Variants in ZFHX3 observed in about 807,000 individuals in gnomAD.
ZFHX3 encodes zinc finger homeobox 3.
A neutral mutation model predicts 279.1 loss-of-function variants in ZFHX3; 42 were observed. That is an observed-to-expected ratio of 0.15 (90% confidence interval 0.12 to 0.19). The LOEUF (loss-of-function observed/expected upper bound fraction) is 0.19. ZFHX3 is among the 10% of genes least tolerant of loss of function. The pLI, the probability that ZFHX3 is intolerant of heterozygous loss-of-function variation, is 1.00. For missense variants in ZFHX3, 4,981 were observed against 4,754.0 expected, an observed-to-expected ratio of 1.05 and a Z score of -1.40; for synonymous variants, 2,293 against 1,957.8, an observed-to-expected ratio of 1.17 and a Z score of -4.52.
At chr16:73,473,357 A>AAC (rs2018706569) in intron 2 of ZFHX3, among the ~76,000 whole-genome samples, 2 of 48,496 alleles carry the variant, frequency 4.1e-5, no homozygotes, top group African/African-American at 1.5e-4. Context: ...AAAAAAAAAA[A>AAC]CAAAAAAAAA....
At chr16:73,313,494 G>A (rs897842948) in intron 4 of ZFHX3, among the ~76,000 whole-genome samples, 2 of 152,126 alleles carry the variant, frequency 1.3e-5, no homozygotes, top group South Asian at 4.1e-4. Context: ...CACCCTAAGG[G>A]ATGTCTCTCT....
At chr16:73,515,566 GAA>G (rs1304211906) in intron 2 of ZFHX3, among the ~76,000 whole-genome samples, 58 of 151,242 alleles carry the variant, frequency 3.8e-4, no homozygotes, top group African/African-American at 1.2e-3. Flanking sequence ...GAAAGAGAGA[GAA>G]AGAAAGAAAG....
chr16:73,146,773 A>G (rs1310225026), intron 5 of ZFHX3, among the ~76,000 whole-genome samples: 1 of 152,048 alleles, frequency 6.6e-6, no homozygotes. Context: ...CTCTCATCTC[A>G]GCCTCCCAAA....
chr16:73,880,632 A>G (rs1420345054), intron 1 of ZFHX3, among the ~76,000 whole-genome samples: 1 of 152,178 alleles, frequency 6.6e-6, no homozygotes, highest in Non-Finnish European at 1.5e-5. Context: ...TTAACCTGAA[A>G]TGCTTCTATC....
At chr16:73,181,816 G>T (rs1816740150) in intron 5 of ZFHX3, among the ~76,000 whole-genome samples, 1 of 152,080 alleles carries the variant, frequency 6.6e-6, no homozygotes, top group African/African-American at 2.4e-5. Flanking sequence ...CTATGTAAAG[G>T]CACCAGCTGA....
chr16:73,614,553 A>G (rs779564223), intron 2 of ZFHX3, among the ~76,000 whole-genome samples: 18 of 152,308 alleles, frequency 1.2e-4, no homozygotes, highest in Non-Finnish European at 2.2e-4. Flanking sequence ...AAGGGAATAC[A>G]TGTCTTCACT....
chr16:73,879,198 T>G (rs2030058344), intron 1 of ZFHX3, among the ~76,000 whole-genome samples: 1 of 151,286 alleles, frequency 6.6e-6, no homozygotes, highest in Non-Finnish European at 1.5e-5. Flanking sequence ...TGTGTTAGCA[T>G]TTGCTCTGCA....
intron 2 of ZFHX3, among the ~76,000 whole-genome samples, chr16:73,466,723 C>T (rs924253614): frequency 8.5e-5 from 13 of 152,182 alleles, no homozygotes; most frequent in African/African-American, 2.9e-4. Context: ...GTTCATCAAA[C>T]TAACCCCAGT....
chr16:72,847,418 G>T lies in ZFHX3; in HGVS notation c.3449-17559C>A, dbSNP rs1002403437. On this transcript the variant is annotated intron_variant, in intron 4 of 9. Coordinates refer to ENST00000268489, the MANE Select transcript of ZFHX3 (RefSeq NM_006885.4). The stretch of plus-strand genomic sequence containing the variant: ...GGTGCAGGCAGGCAGCATTAGTTCT[G>T]CAGGCTGCATCTGGCCCTGAACCTA... 2.0e-5 allele frequency among the ~76,000 whole-genome samples: 3 copies of T among 152,124 alleles called. 1 individual carries two copies. Among genetic ancestry groups the T allele is most frequent in the Non-Finnish European group, 4.4e-5 (3 of 68,024 alleles).
At chr16:72,995,985 CT>C (rs1177365278) in intron 1 of ZFHX3, among the ~76,000 whole-genome samples, 2 of 152,176 alleles carry the variant, frequency 1.3e-5, no homozygotes, top group African/African-American at 4.8e-5. Flanking sequence ...CGTTCTTTTA[CT>C]GCCAGGTGCG....
chr16:73,793,535 G>A (rs1455819687), intron 1 of ZFHX3, among the ~76,000 whole-genome samples: 1 of 152,092 alleles, frequency 6.6e-6, no homozygotes, highest in Non-Finnish European at 1.5e-5. Context: ...TTGACTACGC[G>A]GTTCATACTA....
intron 2 of ZFHX3, among the ~76,000 whole-genome samples, chr16:73,604,935 G>A (rs1048566983): frequency 1.3e-5 from 2 of 151,848 alleles, no homozygotes; most frequent in African/African-American, 4.8e-5. Flanking sequence ...TTTCACCTAT[G>A]TGTTTTCTGT....
intron 3 of ZFHX3, among the ~76,000 whole-genome samples, chr16:72,912,356 A>G (rs569078058): frequency 3.3e-4 from 50 of 152,344 alleles, no homozygotes; most frequent in African/African-American, 1.2e-3. Flanking sequence ...TGGCAAGGGC[A>G]GTGGCAATAT....
chr16:73,288,094 G>T (rs1341346120), intron 4 of ZFHX3, among the ~76,000 whole-genome samples: 1 of 148,002 alleles, frequency 6.8e-6, no homozygotes, highest in East Asian at 2.2e-4. Flanking sequence ...GCTCTTAGCC[G>T]TTCCATCTCA....
intron 1 of ZFHX3, among the ~76,000 whole-genome samples, chr16:73,879,681 C>T (rs926860853): frequency 6.6e-6 from 1 of 152,112 alleles, no homozygotes; most frequent in Non-Finnish European, 1.5e-5. Context: ...AAAGCTGCTG[C>T]CAATATTTTC....
intron 1 of ZFHX3, among the ~76,000 whole-genome samples, chr16:73,756,999 G>A (rs2053816547): frequency 6.6e-6 from 1 of 152,094 alleles, no homozygotes; most frequent in Admixed American, 6.5e-5. Flanking sequence ...AGTGCAAGAG[G>A]GAATGCATGG....
At chr16:73,882,175 G>C (rs9940320) in intron 1 of ZFHX3, among the ~76,000 whole-genome samples, 5,534 of 152,048 alleles carry the variant, frequency 0.036, 330 homozygotes, top group African/African-American at 0.13. Flanking sequence ...ATTACAGTAG[G>C]ACTGTTTGTC....
intron 5 of ZFHX3, among the ~76,000 whole-genome samples, chr16:73,252,890 C>T (rs367794038): frequency 1.3e-5 from 2 of 152,242 alleles, no homozygotes; most frequent in South Asian, 2.1e-4. Flanking sequence ...AGTATGCTGG[C>T]GGAAGGCCAC....
intron 2 of ZFHX3, among the ~76,000 whole-genome samples, chr16:73,600,950 C>T (rs1037762420): frequency 4.0e-5 from 6 of 151,686 alleles, no homozygotes; most frequent in South Asian, 4.2e-4. Flanking sequence ...CTGCCCAAAG[C>T]AGGTGGTCAG....
Sources: allele counts gnomAD v4.1 joint callset (sites outside exome capture counted in the v4.1 genomes callset), GRCh38; gene constraint gnomAD v4.1.1; transcripts MANE v1.5; gene names NCBI Gene and HGNC (gene_info 2026-07-23, HGNC 2026-07-21).